DNAJC5B: variants seen among roughly 807,000 people sequenced by gnomAD.
The protein encoded by DNAJC5B is dnaJ homolog subfamily C member 5B.
A neutral mutation model predicts 24.7 loss-of-function variants in DNAJC5B; 23 were observed. The ratio of observed to expected loss-of-function variants is 0.93; its 90% CI spans 0.67 to 1.32. The LOEUF is 1.32. Ranked by LOEUF, DNAJC5B falls within the 40% of genes most tolerant of loss-of-function variation. DNAJC5B has a pLI of 0.00. For synonymous variants in DNAJC5B, 101 were observed against 90.1 expected (o/e 1.12, Z -0.68); for missense variants, 238 against 240.8 (o/e 0.99, Z 0.08).
At chr8:66,035,416 G>T (rs1806460399) in intron 1 of DNAJC5B, among the ~76,000 whole-genome samples, 1 of 152,212 alleles carries the variant, frequency 6.6e-6, no homozygotes, top group African/African-American at 2.4e-5. Flanking sequence ...GGCCTTACTG[G>T]AGTAGGGTGG....
At chr8:66,026,529 C>A (rs1336121303) in intron 1 of DNAJC5B, among the ~76,000 whole-genome samples, 1 of 152,272 alleles carries the variant, frequency 6.6e-6, no homozygotes, top group Non-Finnish European at 1.5e-5. Flanking sequence ...AGAGTCTCCT[C>A]TTGCTGCCGT....
intron 4 of DNAJC5B, among the ~76,000 whole-genome samples, chr8:66,078,887 A>G (rs1406635508): frequency 6.6e-6 from 1 of 152,182 alleles, no homozygotes; most frequent in Non-Finnish European, 1.5e-5. Context: ...AGGGCTGTCA[A>G]CATTAAAGAT....
chr8:66,063,996 T>G (rs1333115534), intron 3 of DNAJC5B, among the ~76,000 whole-genome samples: 2 of 152,104 alleles, frequency 1.3e-5, no homozygotes, highest in African/African-American at 4.8e-5. Context: ...GTGGAATTAG[T>G]GGGTAGCTAA....
intron 2 of DNAJC5B, among the ~76,000 whole-genome samples, chr8:66,050,867 C>G (rs1036357832): frequency 6.6e-6 from 1 of 152,070 alleles, no homozygotes; most frequent in Non-Finnish European, 1.5e-5. Flanking sequence ...TTATGGTGTA[C>G]AGTGTGATGT....
intron 3 of DNAJC5B, among the ~76,000 whole-genome samples, chr8:66,067,645 C>T (rs1398629335): frequency 6.6e-6 from 1 of 152,124 alleles, no homozygotes; most frequent in Non-Finnish European, 1.5e-5. Context: ...TTAACTACCC[C>T]AAGACCATCT....
intron 3 of DNAJC5B, among the ~76,000 whole-genome samples, chr8:66,066,018 C>T (rs531821150): frequency 1.3e-5 from 2 of 152,228 alleles, no homozygotes; most frequent in East Asian, 3.9e-4. Context: ...AGCAGACTGG[C>T]TCTACGTGGC....
chr8:66,062,979 C>T (rs71529194), intron 3 of DNAJC5B, among the ~76,000 whole-genome samples: 13 of 152,304 alleles, frequency 8.5e-5, no homozygotes, highest in Middle Eastern at 6.8e-3. Flanking sequence ...CACTGCACTC[C>T]AGCCTACGTG....
chr8:66,058,476 A>G (rs1455181193), intron 3 of DNAJC5B, among the ~76,000 whole-genome samples: 2 of 152,190 alleles, frequency 1.3e-5, no homozygotes, highest in Non-Finnish European at 2.9e-5. Context: ...ATGTCTAACT[A>G]GCTCTGATTC....
chr8:66,051,438 G>T (rs1274006180), intron 2 of DNAJC5B, 93 bp from the exon 3 acceptor site: 1 of 752,628 alleles, frequency 1.3e-6, no homozygotes, highest in Non-Finnish European at 2.2e-6. Context: ...TCTTCAAATT[G>T]TCATTTTACA....
intron 2 of DNAJC5B, among the ~76,000 whole-genome samples, chr8:66,050,709 A>G (rs368741584): frequency 1.1e-4 from 16 of 152,220 alleles, no homozygotes; most frequent in East Asian, 3.8e-4. Context: ...TAGGAAAATT[A>G]TCTACGACTA....
At chr8:66,078,861 A>G (rs1244303356) in intron 4 of DNAJC5B, among the ~76,000 whole-genome samples, 1 of 152,224 alleles carries the variant, frequency 6.6e-6, no homozygotes, top group African/African-American at 2.4e-5. Context: ...TCTATGAAGC[A>G]GGAGTGGGGC....
chr8:66,063,575 C>T (rs1364635724), intron 3 of DNAJC5B, among the ~76,000 whole-genome samples: 4 of 152,118 alleles, frequency 2.6e-5, no homozygotes, highest in South Asian at 2.1e-4. Context: ...AGTTGTCTTC[C>T]GGTGGGCTGC....
At chr8:66,017,168 C>T (rs1805977012), upstream of DNAJC5B, among the ~76,000 whole-genome samples, 1 of 152,160 alleles carries the variant, frequency 6.6e-6, no homozygotes, top group African/African-American at 2.4e-5. Context: ...AATGCCTCTG[C>T]TAATGACTTG....
At chr8:66,073,646 C>T (rs2128963299) in intron 3 of DNAJC5B, among the ~76,000 whole-genome samples, 1 of 152,250 alleles carries the variant, frequency 6.6e-6, no homozygotes, top group African/African-American at 2.4e-5. Context: ...TATTTTAAAG[C>T]ATCACATGTT....
chr8:66,052,146 T>TG (rs1347385582), intron 3 of DNAJC5B, among the ~76,000 whole-genome samples: 4 of 148,334 alleles, frequency 2.7e-5, no homozygotes, highest in Non-Finnish European at 6.0e-5. Context: ...TTAGTAGAGA[T>TG]GGGGTTTCAC....
At chr8:66,070,343 T>C (rs762473938) in intron 3 of DNAJC5B, among the ~76,000 whole-genome samples, 1 of 152,222 alleles carries the variant, frequency 6.6e-6, no homozygotes, top group Non-Finnish European at 1.5e-5. Context: ...CTTAAGCTGA[T>C]AAGCAACTTC....
At chr8:66,028,936 C>T (rs192059894) in intron 1 of DNAJC5B, among the ~76,000 whole-genome samples, 221 of 152,316 alleles carry the variant, frequency 1.5e-3, no homozygotes, top group Middle Eastern at 0.01. Flanking sequence ...TTCACTGGAC[C>T]AAGCCTCTCC....
chr8:66,026,523 T>A (rs554369093), intron 1 of DNAJC5B, among the ~76,000 whole-genome samples: 111 of 152,136 alleles, frequency 7.3e-4, no homozygotes, highest in African/African-American at 1.7e-3. Flanking sequence ...GAGAGCAGAG[T>A]CTCCTCTTGC....
chr8:66,059,876 C>T (rs1476931054), intron 3 of DNAJC5B, among the ~76,000 whole-genome samples: 17 of 152,242 alleles, frequency 1.1e-4, no homozygotes, highest in Admixed American at 1.1e-3. Flanking sequence ...CCCTGCCAGG[C>T]ACGGTAGGCA....
Sources: gnomAD v4.1 joint callset for allele counts (sites outside exome capture counted in the v4.1 genomes callset) on GRCh38, gnomAD v4.1.1 for gene constraint, MANE v1.5 for transcripts, NCBI Gene and HGNC (gene_info 2026-07-23, HGNC 2026-07-21) for gene names.